The following CC2D2A variants were observed in gnomAD, a reference collection of about 807,000 sequenced individuals.
CC2D2A encodes the protein coiled-coil and C2 domain containing 2A, also known as coiled-coil and C2 domain-containing protein 2A.
In CC2D2A, 155 loss-of-function variants were observed where a neutral mutation model predicts 212.9. The observed-to-expected ratio is 0.73, with a 90% CI of 0.64 to 0.83. The LOEUF is 0.83. Among genes scored for constraint, CC2D2A ranks in the 40% least tolerant of loss-of-function variants. CC2D2A has a pLI of 0.00. For missense variants in CC2D2A, 1,856 were observed against 1,956.2 expected, an observed-to-expected ratio of 0.95 and a Z score of 0.97; for synonymous variants, 667 against 686.5, an observed-to-expected ratio of 0.97 and a Z score of 0.44.
In CC2D2A at chr4:15,595,953, A is replaced by G. The variant is rs1577403496; in HGVS notation, c.4315-132A>G. ...ACACAATTTTTATAATCAAAAAATG[A>G]CAAAATGTATGCGGCCTATATGAAC... On this transcript the variant is annotated intron_variant, in intron 33 of 36. Coordinates refer to ENST00000424120, the MANE Select transcript of CC2D2A (RefSeq NM_001378615.1). 5.6e-6 allele frequency: 3 copies of G among 532,072 alleles called. 1 individual carries two copies. The East Asian group carries it at 1.0e-4, about 18-fold the overall frequency. The allele number at this position is 532,072 out of a possible 1,614,324, so 33.0% of individuals were successfully genotyped here. A position where few individuals can be genotyped will look rare whatever the true frequency, so the allele number is the denominator to read the frequency against.
chr4:15,524,822 C>T (rs977026890), intron 11 of CC2D2A, among the ~76,000 whole-genome samples: 1 of 152,166 alleles, frequency 6.6e-6, no homozygotes, highest in Admixed American at 6.6e-5. Context: ...CCATATTCAT[C>T]ACCTCTTAGC....
intron 11 of CC2D2A, among the ~76,000 whole-genome samples, chr4:15,517,169 G>C (rs1000076869): frequency 6.6e-6 from 1 of 151,742 alleles, no homozygotes; most frequent in Non-Finnish European, 1.5e-5. Flanking sequence ...GGATGGTCTC[G>C]ATCTCCTGAC....
chr4:15,512,606 G>T (rs1716630412), intron 8 of CC2D2A, among the ~76,000 whole-genome samples: 1 of 152,182 alleles, frequency 6.6e-6, no homozygotes, highest in East Asian at 1.9e-4. Flanking sequence ...TGGATGGATG[G>T]TGGTAAGGGT....
intron 13 of CC2D2A, among the ~76,000 whole-genome samples, chr4:15,532,033 T>C (rs2109028613): frequency 6.6e-6 from 1 of 152,238 alleles, no homozygotes; most frequent in South Asian, 2.1e-4. Context: ...ACTCCTACCA[T>C]ACCCATTTTA....
chr4:15,523,761 TG>T (rs1717342149), intron 11 of CC2D2A, among the ~76,000 whole-genome samples: 1 of 152,240 alleles, frequency 6.6e-6, no homozygotes, highest in South Asian at 2.1e-4. Flanking sequence ...TGAATACTGG[TG>T]GGCCTCATTC....
intron 16 of CC2D2A, among the ~76,000 whole-genome samples, chr4:15,540,406 T>C (rs79684309): frequency 1.3e-5 from 2 of 152,308 alleles, no homozygotes; most frequent in Non-Finnish European, 2.9e-5. Context: ...ACTTGGTATC[T>C]TGGAAAAATG....
chr4:15,570,317 C>A, intron 27 of CC2D2A, 81 bp from the exon 28 acceptor site: 2 of 809,300 alleles, frequency 2.5e-6, no homozygotes, highest in Non-Finnish European at 4.0e-6. Flanking sequence ...CAGCTAAAAT[C>A]TTGCTGCTTT....
chr4:15,475,778 G>C (rs149954847), intron 1 of CC2D2A, 137 bp from the exon 2 acceptor site: 8 of 689,188 alleles, frequency 1.2e-5, no homozygotes, highest in African/African-American at 1.8e-5. Flanking sequence ...GGTCTGCCAG[G>C]GTTCCTGGTG....
At chr4:15,470,200 T>G (rs1345701973) in intron 1 of CC2D2A, 143 bp downstream of exon 1, 2 of 152,188 alleles carry the variant, frequency 1.3e-5, no homozygotes, top group Non-Finnish European at 2.9e-5. Flanking sequence ...GTTATTTATG[T>G]TTTTACTTTC....
At chr4:15,519,253 C>G (rs988624945) in intron 11 of CC2D2A, 1 of 371,134 alleles carries the variant, frequency 2.7e-6, no homozygotes, top group African/African-American at 2.2e-5. Context: ...ACACCAGTCT[C>G]TTTGCTAAAA....
chr4:15,588,176 G>A lies in CC2D2A; in HGVS notation c.4179+247G>A, dbSNP rs144446112. Among the ~76,000 whole-genome samples the A allele has an allele frequency of 5.6e-3, 857 of 152,240 alleles. 5 individuals are homozygous for A. Among genetic ancestry groups the A allele is most frequent in the African/African-American group, 0.02 (824 of 41,546 alleles). ...AAACCCGAACCCTTTACCATCCAAA[G>A]CCCCCACCTAGCTCTGTCCTTTTAG... On this transcript the variant is annotated intron_variant, in intron 32 of 36. Coordinates refer to ENST00000424120, the MANE Select transcript of CC2D2A (RefSeq NM_001378615.1).
At chr4:15,516,946 T>C (rs1716911488) in intron 11 of CC2D2A, among the ~76,000 whole-genome samples, 190 bp downstream of exon 11, 1 of 25,590 alleles carries the variant, frequency 3.9e-5, no homozygotes, top group South Asian at 1.1e-3. Context: ...CATCCCTTCT[T>C]TTTTTTTTTT....
At chr4:15,569,488 T>A in intron 27 of CC2D2A, 99 bp downstream of exon 27, 1 of 686,032 alleles carries the variant, frequency 1.5e-6, no homozygotes, top group Non-Finnish European at 2.6e-6. Context: ...GGGGTCCCGA[T>A]CTAGATCCTT....
At chr4:15,475,273 C>T (rs1399204945) in intron 1 of CC2D2A, among the ~76,000 whole-genome samples, 1 of 151,930 alleles carries the variant, frequency 6.6e-6, no homozygotes, top group Admixed American at 6.6e-5. Context: ...GACTTCGTCT[C>T]AAAAGAAAAA....
chr4:15,518,778 T>G (rs1717028994), intron 11 of CC2D2A, among the ~76,000 whole-genome samples: 1 of 152,250 alleles, frequency 6.6e-6, no homozygotes, highest in Admixed American at 6.5e-5. Flanking sequence ...TGGCCCGAGT[T>G]GTACCTTGGC....
At chr4:15,492,747 C>T in intron 4 of CC2D2A, 1 of 822,110 alleles carries the variant, frequency 1.2e-6, no homozygotes, top group Admixed American at 1.9e-5. Flanking sequence ...CCATGTGGGC[C>T]ATGAGGTCCA....
intron 18 of CC2D2A, among the ~76,000 whole-genome samples, chr4:15,552,401 C>G (rs1354976156): frequency 6.6e-6 from 1 of 152,192 alleles, no homozygotes; most frequent in Non-Finnish European, 1.5e-5. Flanking sequence ...TTTTCTTCAG[C>G]CATTTACTCA....
intron 4 of CC2D2A, among the ~76,000 whole-genome samples, chr4:15,488,355 G>A (rs1715118755): frequency 6.6e-6 from 1 of 152,080 alleles, no homozygotes; most frequent in Non-Finnish European, 1.5e-5. Flanking sequence ...AGTTTTGTTT[G>A]TTTCTTTGTT....
chr4:15,480,671 GGAGTCTCT>G lies in CC2D2A; in HGVS notation c.124-30_124-23del, dbSNP rs566553854. On this transcript the variant is annotated intron_variant, in intron 3 of 36. Coordinates refer to ENST00000424120, the MANE Select transcript of CC2D2A (RefSeq NM_001378615.1). ...AGGAACAGACTCAAATAAAGTCCTG[GGAGTCTCT>G]GAACCTCTGACCTTCTTCCTCCAGC... 1.8e-4 allele frequency: 283 copies of G among 1,595,824 alleles called. 1 individual carries two copies. The African/African-American group carries it at 3.5e-3, about 20-fold the overall frequency.
Sources: gnomAD v4.1 joint callset for allele counts (sites outside exome capture counted in the v4.1 genomes callset) on GRCh38, gnomAD v4.1.1 for gene constraint, MANE v1.5 for transcripts, NCBI Gene and HGNC (gene_info 2026-07-23, HGNC 2026-07-21) for gene names.